The following CNOT6 variants were observed in gnomAD, a reference collection of about 807,000 sequenced individuals.
The protein encoded by CNOT6 is CCR4-NOT transcription complex subunit 6, also known as carbon catabolite repression 4 protein.
Under a neutral mutation model 61.2 loss-of-function variants are expected in CNOT6, and 12 were observed. The ratio of observed to expected loss-of-function variants is 0.20; its 90% confidence interval spans 0.13 to 0.32. The LOEUF is 0.32. CNOT6 is among the 10% of genes least tolerant of loss of function. The pLI, the probability that CNOT6 is intolerant of heterozygous loss-of-function variation, is 1.00. For missense variants in CNOT6, 405 were observed against 663.9 expected (o/e 0.61, Z 4.28); for synonymous variants, 225 against 240.6 (o/e 0.94, Z 0.60).
intron 2 of CNOT6, among the ~76,000 whole-genome samples, chr5:180,532,392 C>T (rs574321714): frequency 2.0e-5 from 3 of 152,270 alleles, no homozygotes; most frequent in African/African-American, 7.2e-5. Context: ...TCCACCCTCT[C>T]CTCCTTCCAC....
rs763363186 is a variant in CNOT6, at chr5:180,565,901, C to T, written c.641C>T (p.Ala214Val). 11 of 1,613,750 alleles carry T rather than the reference C, an allele frequency of 6.8e-6. No individual in the cohort carries two copies. Among genetic ancestry groups the T allele is most frequent in the Middle Eastern group, 1.7e-4 (1 of 6,058 alleles). ...TTATACGGCTACTGTCCATCATGGGCGCTAAACTGGGACTACAGGAAAAAG... is the reference window on the plus strand; with the variant it reads ...TTATACGGCTACTGTCCATCATGGGTGCTAAACTGGGACTACAGGAAAAAG... ...RQLYGYCPSW[A>V]LNWDYRKKAI... Residue 214 changes from alanine to valine, a missense_variant, in exon 7 of 12, where the codon GCG (alanine) becomes GTG (valine). By Grantham distance (64) the Ala-to-Val change is moderately conservative. Coordinates refer to ENST00000261951, the MANE Select transcript of CNOT6 (RefSeq NM_001370472.1).
At chr5:180,518,917 T>C (rs1362589571) in intron 1 of CNOT6, among the ~76,000 whole-genome samples, 1 of 152,260 alleles carries the variant, frequency 6.6e-6, no homozygotes, top group Non-Finnish European at 1.5e-5. Flanking sequence ...CTTGCCATGT[T>C]GCCCAGGCTG....
At chr5:180,560,429 G>A (rs928622508) in intron 4 of CNOT6, among the ~76,000 whole-genome samples, 5 of 151,682 alleles carry the variant, frequency 3.3e-5, no homozygotes, top group Non-Finnish European at 5.9e-5. Context: ...GATTCTGTTA[G>A]TTTTTTGTCC....
At chr5:180,526,963 T>C (rs1758129444) in intron 1 of CNOT6, among the ~76,000 whole-genome samples, 1 of 151,336 alleles carries the variant, frequency 6.6e-6, no homozygotes, top group Admixed American at 6.6e-5. Flanking sequence ...TACTGCAGCC[T>C]CAACCTCCTG....
At chr5:180,567,016 A>T in intron 7 of CNOT6, 72 bp from the exon 8 acceptor site, 1 of 1,356,664 alleles carries the variant, frequency 7.4e-7, no homozygotes, top group Non-Finnish European at 1.0e-6. Context: ...AAGCTCTCAA[A>T]CTATACATAG....
At chr5:180,496,840 G>A (rs1756634085) in intron 1 of CNOT6, among the ~76,000 whole-genome samples, 1 of 152,170 alleles carries the variant, frequency 6.6e-6, no homozygotes, top group African/African-American at 2.4e-5. Flanking sequence ...TGCAGCCCAA[G>A]CGGCTCCTCT....
chr5:180,515,208 A>G (rs1135279), intron 1 of CNOT6, among the ~76,000 whole-genome samples: 2 of 151,960 alleles, frequency 1.3e-5, no homozygotes, highest in African/African-American at 4.8e-5. Flanking sequence ...CCTTGAGGCC[A>G]GGAGTTCAAG....
At chr5:180,509,181 G>A (rs1168745974) in intron 1 of CNOT6, among the ~76,000 whole-genome samples, 1 of 151,880 alleles carries the variant, frequency 6.6e-6, no homozygotes. Context: ...ACCCAGACTG[G>A]AATGCAGTGG....
At chr5:180,510,585 C>G (rs1447594671) in intron 1 of CNOT6, among the ~76,000 whole-genome samples, 1 of 152,100 alleles carries the variant, frequency 6.6e-6, no homozygotes, top group African/African-American at 2.4e-5. Context: ...TGTGGTAGGC[C>G]TGCCATCTCA....
intron 1 of CNOT6, among the ~76,000 whole-genome samples, chr5:180,513,764 G>A (rs1052030132): frequency 1.3e-5 from 2 of 150,626 alleles, no homozygotes. Flanking sequence ...GTGCAGTGGC[G>A]CGATCTCAGC....
intron 1 of CNOT6, among the ~76,000 whole-genome samples, chr5:180,507,310 GT>G (rs1757171263): frequency 6.6e-6 from 1 of 152,074 alleles, no homozygotes; most frequent in Non-Finnish European, 1.5e-5. Context: ...ACAAGATATA[GT>G]TTTAGGGGCC....
chr5:180,574,387 ATGCTT>A lies in CNOT6; in HGVS notation c.*189_*193del, dbSNP rs1409289473. The A allele has an allele frequency of 1.6e-6, 1 of 608,930 alleles. No individual in the cohort carries two copies. The highest frequency in any genetic ancestry group is 1.8e-5 in the African/African-American group (1 of 54,074). 37.7% of individuals were successfully genotyped at this position (608,930 alleles called of 1,614,324 possible). On this transcript the variant is annotated 3_prime_UTR_variant, in exon 12 of 12. Transcript: ENST00000261951. Reference sequence around the variant, plus strand: ...GCAACAGACAAATTCTGAGCCCAATATGCTTTATACTGCTAGACAGGGATTGGTGT... The same window carrying A: ...GCAACAGACAAATTCTGAGCCCAATATATACTGCTAGACAGGGATTGGTGT...
intron 1 of CNOT6, among the ~76,000 whole-genome samples, chr5:180,511,213 C>T (rs931824200): frequency 3.9e-4 from 60 of 152,128 alleles, no homozygotes; most frequent in African/African-American, 1.3e-3. Context: ...CACAGTGGCT[C>T]GCGCCTGTAA....
chr5:180,511,228 A>C (rs1025027948), intron 1 of CNOT6, among the ~76,000 whole-genome samples: 1 of 151,908 alleles, frequency 6.6e-6, no homozygotes, highest in Non-Finnish European at 1.5e-5. Context: ...CTGTAATCCC[A>C]CCACTTTGGG....
intron 2 of CNOT6, among the ~76,000 whole-genome samples, chr5:180,540,465 G>A (rs1758976998): frequency 6.6e-6 from 1 of 152,140 alleles, no homozygotes. Context: ...CATGCATTCA[G>A]TAGAGACCGT....
rs56899929 is a variant in CNOT6 at position 180,510,134 on chromosome 5, CTTTTTTTTTTTT to C, written c.-3+15395_-3+15406del. 1.0e-2 allele frequency among the ~76,000 whole-genome samples: 372 copies of C among 37,382 alleles called. 6 individuals are homozygous for C. Among genetic ancestry groups the C allele is most frequent in the African/African-American group, 0.031 (340 of 10,840 alleles). 24.5% of individuals were successfully genotyped at this position (37,382 alleles called of 152,430 possible). A position where few individuals can be genotyped will look rare whatever the true frequency, so the allele number is the denominator to read the frequency against. ...TAAATGAGGTTTATCGTCTGTAAAC[CTTTTTTTTTTTT>C]TTTTTTTTTTTTTTTTTTTTTTTAA... On this transcript the variant is annotated intron_variant, in intron 1 of 11. Coordinates refer to ENST00000261951, the MANE Select transcript of CNOT6 (RefSeq NM_001370472.1).
chr5:180,520,537 G>A (rs1055693965), intron 1 of CNOT6, among the ~76,000 whole-genome samples: 4 of 151,978 alleles, frequency 2.6e-5, no homozygotes, highest in African/African-American at 9.7e-5. Flanking sequence ...AGCTACTCGG[G>A]AGGCTGAGGC....
chr5:180,550,341 C>T (rs1022347121), intron 3 of CNOT6, among the ~76,000 whole-genome samples: 1 of 151,984 alleles, frequency 6.6e-6, no homozygotes, highest in African/African-American at 2.4e-5. Flanking sequence ...GTCCCAGCTA[C>T]TCGGGAGGCT....
chr5:180,545,134 T>G (rs965035193), intron 2 of CNOT6, among the ~76,000 whole-genome samples: 2 of 152,182 alleles, frequency 1.3e-5, no homozygotes. Context: ...CTTCTTAGAT[T>G]AAGATAGATT....
Sources: gnomAD v4.1 joint callset for allele counts (sites outside exome capture counted in the v4.1 genomes callset) on GRCh38, gnomAD v4.1.1 for gene constraint, MANE v1.5 for transcripts, NCBI Gene and HGNC (gene_info 2026-07-23, HGNC 2026-07-21) for gene names.